The following KIF26B variants were observed in gnomAD, a reference collection of about 807,000 sequenced individuals.
The protein encoded by KIF26B is kinesin family member 26B.
A neutral mutation model predicts 151.2 loss-of-function variants in KIF26B; 63 were observed. That is an observed-to-expected ratio of 0.42 (90% CI 0.34 to 0.51). KIF26B has a LOEUF of 0.51. Ranked by LOEUF, KIF26B falls within the 20% of genes least tolerant of loss-of-function variation. The pLI, the probability that KIF26B is intolerant of heterozygous loss-of-function variation, is 0.07. For missense variants in KIF26B, 2,813 were observed against 2,913.6 expected, an observed-to-expected ratio of 0.97 and a Z score of 0.79; for synonymous variants, 1,357 against 1,262.1, an observed-to-expected ratio of 1.08 and a Z score of -1.59.
chr1:245,519,230 T>C (rs1413680040), intron 4 of KIF26B, among the ~76,000 whole-genome samples: 1 of 152,074 alleles, frequency 6.6e-6, no homozygotes, highest in Non-Finnish European at 1.5e-5. Flanking sequence ...AGTTTGAGTA[T>C]CCAACAGAGA....
Position 245,495,635 on chromosome 1 carries a change from G to GA in KIF26B, c.1167-45130dup, listed in dbSNP as rs1477104249. Among the ~76,000 whole-genome samples the GA allele has an allele frequency of 6.6e-6, 1 of 152,074 alleles. No individual in the cohort carries two copies. Among genetic ancestry groups the GA allele is most frequent in the Non-Finnish European group, 1.5e-5 (1 of 68,014 alleles). ...GGTCTATAGTTTGGTATCCATTAAT[G>GA]AACCTCTCCCCATCCACCTCTCCTT... On this transcript the variant is annotated intron_variant, in intron 4 of 14. Transcript: ENST00000407071. This position sits in a 1 kb window ranked among gnomAD's most constrained non-coding sequence, Gnocchi z 4.2.
At position 245,237,201 on chromosome 1, in the gene KIF26B, A is replaced by C. The variant is rs185615876; in HGVS notation, c.465+80518A>C. ...TGCCCCTGGTGGCGTGTCCTTTGCT[A>C]AATGAGGGCTAGACAGATGTAACTT... On this transcript the variant is annotated intron_variant, in intron 2 of 14. Coordinates refer to ENST00000407071, the MANE Select transcript of KIF26B (RefSeq NM_018012.4). Among the ~76,000 whole-genome samples the C allele has an allele frequency of 2.6e-5, 4 of 152,312 alleles. No homozygotes were observed. The East Asian group carries it at 5.8e-4, about 22-fold the overall frequency.
chr1:245,303,464 C>A (rs1304819957), intron 2 of KIF26B, among the ~76,000 whole-genome samples: 1 of 152,110 alleles, frequency 6.6e-6, no homozygotes, highest in Non-Finnish European at 1.5e-5. Flanking sequence ...TCCCAAAGTG[C>A]TGGGATTACA....
At chr1:245,568,109 G>A (rs77601883) in intron 5 of KIF26B, among the ~76,000 whole-genome samples, 8,800 of 144,230 alleles carry the variant, frequency 0.061, 453 homozygotes, top group East Asian at 0.22. Context: ...GTTCAGTGGA[G>A]GTTGCAGTGA....
intron 10 of KIF26B, among the ~76,000 whole-genome samples, chr1:245,646,628 C>T (rs1311554441): frequency 6.6e-6 from 1 of 152,148 alleles, no homozygotes; most frequent in Non-Finnish European, 1.5e-5. Context: ...GGGTGGAAGA[C>T]TGGCTTATCC....
At chr1:245,369,244 C>T (rs1673045002) in intron 3 of KIF26B, among the ~76,000 whole-genome samples, 1 of 152,054 alleles carries the variant, frequency 6.6e-6, no homozygotes, top group South Asian at 2.1e-4. Flanking sequence ...CACCTTCCCA[C>T]TGGTGAAGCT....
Position 245,688,618 on chromosome 1 carries a change from C to T in KIF26B, c.5635C>T (p.Leu1879Phe). The change falls in exon 12 of 15, where the codon CTC becomes TTC. Residue 1879 changes from leucine (L) to phenylalanine (F), a missense_variant. By Grantham distance (22) the Leu-to-Phe change is conservative. Transcript: ENST00000407071. ...SDNSSVLSGE[L>F]PPAMGKTALF... ...CAACAGCAGCGTGCTGAGCGGGGAGCTCCCGCCGGCCATGGGGAAGACGGC... is the reference window on the plus strand; with the variant it reads ...CAACAGCAGCGTGCTGAGCGGGGAGTTCCCGCCGGCCATGGGGAAGACGGC... 1 of 1,592,834 alleles carries T rather than the reference C, an allele frequency of 6.3e-7. No individual in the cohort carries two copies. The highest frequency in any genetic ancestry group is 8.5e-7 in the Non-Finnish European group (1 of 1,171,832).
chr1:245,550,469 T>C lies in KIF26B; in HGVS notation c.1350+9519T>C, dbSNP rs558473646. Reference sequence around the variant, plus strand: ...CGACCCTGGCTCCTCACCAGCACCCTGCTGTAAACGCTCAGCTGCCCCTTC... The same window carrying C: ...CGACCCTGGCTCCTCACCAGCACCCCGCTGTAAACGCTCAGCTGCCCCTTC... On this transcript the variant is annotated intron_variant, in intron 5 of 14. Coordinates refer to ENST00000407071, the MANE Select transcript of KIF26B (RefSeq NM_018012.4). Among the ~76,000 whole-genome samples the C allele has an allele frequency of 3.9e-5, 6 of 152,352 alleles. No homozygotes were observed. In the East Asian group the frequency reaches 5.8e-4, roughly 15 times the overall value.
intron 2 of KIF26B, among the ~76,000 whole-genome samples, chr1:245,340,859 C>T (rs1411008552): frequency 2.0e-5 from 3 of 152,166 alleles, no homozygotes; most frequent in African/African-American, 7.2e-5. Context: ...TGCGACGTTT[C>T]AGCCACGATC....
At chr1:245,211,231 C>CT (rs1389710579) in intron 2 of KIF26B, among the ~76,000 whole-genome samples, 3 of 152,174 alleles carry the variant, frequency 2.0e-5, no homozygotes, top group Non-Finnish European at 4.4e-5. Context: ...AGACATGTGT[C>CT]TGAGCCCCTG....
At chr1:245,662,596 T>C (rs58210440) in intron 10 of KIF26B, among the ~76,000 whole-genome samples, 2 of 30,632 alleles carry the variant, frequency 6.5e-5, no homozygotes, top group East Asian at 5.0e-4. Flanking sequence ...CCCAATGATA[T>C]ATACACAGAC....
chr1:245,528,798 G>A (rs1003862069), intron 4 of KIF26B, among the ~76,000 whole-genome samples: 4 of 152,128 alleles, frequency 2.6e-5, no homozygotes, highest in South Asian at 2.1e-4. Flanking sequence ...AGAGCAAGTC[G>A]CCACCTTCCC....
At chr1:245,481,702 G>T (rs961584790) in intron 4 of KIF26B, among the ~76,000 whole-genome samples, 1 of 151,678 alleles carries the variant, frequency 6.6e-6, no homozygotes, top group African/African-American at 2.4e-5. Flanking sequence ...GGACAGATGT[G>T]GCCAAGCGTT....
At chr1:245,475,646 C>A (rs556602326) in intron 4 of KIF26B, among the ~76,000 whole-genome samples, 1 of 151,938 alleles carries the variant, frequency 6.6e-6, no homozygotes, top group South Asian at 2.1e-4. Flanking sequence ...CGAAAAGATG[C>A]TTAACATCAT....
chr1:245,470,453 T>C (rs146919513), intron 4 of KIF26B, among the ~76,000 whole-genome samples: 2,264 of 152,104 alleles, frequency 0.015, 46 homozygotes, highest in East Asian at 0.11. Context: ...GTTTTTGAGA[T>C]GGAGTCTCAC....
chr1:245,252,146 C>T (rs116068628), intron 2 of KIF26B, among the ~76,000 whole-genome samples: 1,874 of 151,622 alleles, frequency 0.012, 44 homozygotes, highest in African/African-American at 0.041. Flanking sequence ...TGTGGTGGTG[C>T]GCATCTGTAG....
chr1:245,623,024 A>G (rs1198225848), intron 9 of KIF26B, among the ~76,000 whole-genome samples: 1 of 119,588 alleles, frequency 8.4e-6, no homozygotes, highest in African/African-American at 3.3e-5. Context: ...GATCGTGAGC[A>G]AGTTTTTTTT....
chr1:245,429,133 A>G (rs781348098), intron 4 of KIF26B, among the ~76,000 whole-genome samples: 4 of 152,166 alleles, frequency 2.6e-5, no homozygotes, highest in African/African-American at 4.8e-5. Flanking sequence ...CTTCTGTTCA[A>G]TGGAGATCAT....
At chr1:245,394,225 A>G (rs971041369) in intron 3 of KIF26B, among the ~76,000 whole-genome samples, 3 of 152,180 alleles carry the variant, frequency 2.0e-5, no homozygotes, top group Non-Finnish European at 4.4e-5. Flanking sequence ...AGTTTCTGCC[A>G]TCTTAAAAAT....
Sources: gnomAD v4.1 joint callset for allele counts (sites outside exome capture counted in the v4.1 genomes callset) on GRCh38, gnomAD v4.1.1 for gene constraint, Gnocchi (gnomAD v3.1) non-coding constraint, MANE v1.5 for transcripts, NCBI Gene and HGNC (gene_info 2026-07-23, HGNC 2026-07-21) for gene names.